Variants in MTA3 observed in about 807,000 individuals in gnomAD.
The protein encoded by MTA3 is metastasis-associated protein MTA3.
In MTA3, 34 loss-of-function variants were observed where a neutral mutation model predicts 83.5. The observed-to-expected ratio is 0.41, with a 90% CI of 0.31 to 0.54. The LOEUF (loss-of-function observed/expected upper bound fraction) is 0.54. Ranked by LOEUF, MTA3 falls within the 20% of genes least tolerant of loss-of-function variation. The probability of loss-of-function intolerance (pLI) is 0.33; values close to 1 mark genes in which losing one functional copy is unlikely to be tolerated. For synonymous variants in MTA3, 303 were observed against 252.7 expected, an observed-to-expected ratio of 1.20 and a Z score of -1.89; for missense variants, 761 against 726.4, an observed-to-expected ratio of 1.05 and a Z score of -0.55.
At chr2:42,666,325 T>C (rs944529614) in intron 8 of MTA3, among the ~76,000 whole-genome samples, 11 of 152,320 alleles carry the variant, frequency 7.2e-5, no homozygotes, top group Admixed American at 6.5e-4. Context: ...TTTTGCTACC[T>C]CCTACCTTAT....
intron 3 of MTA3, among the ~76,000 whole-genome samples, chr2:42,604,790 CG>C (rs1683038500): frequency 6.7e-6 from 1 of 148,280 alleles, no homozygotes; most frequent in South Asian, 2.2e-4. Context: ...TGACTCTTAA[CG>C]AGCATGCTGC....
chr2:42,715,909 A>G (rs980372098), intron 14 of MTA3, among the ~76,000 whole-genome samples: 2 of 152,214 alleles, frequency 1.3e-5, no homozygotes, highest in African/African-American at 2.4e-5. Context: ...CAGCTTTATT[A>G]ATAGAGAAGA....
intron 3 of MTA3, among the ~76,000 whole-genome samples, chr2:42,607,185 T>C (rs564132614): frequency 1.3e-5 from 2 of 152,200 alleles, no homozygotes; most frequent in East Asian, 3.9e-4. Context: ...TAAAATAGGG[T>C]GGATACAAAG....
chr2:42,699,118 T>C (rs1428841040), intron 11 of MTA3, among the ~76,000 whole-genome samples: 1 of 152,234 alleles, frequency 6.6e-6, no homozygotes, highest in East Asian at 1.9e-4. Flanking sequence ...TTGGAGTCAA[T>C]GTAATCTAAG....
chr2:42,592,922 G>C (rs577794708), intron 3 of MTA3, among the ~76,000 whole-genome samples: 29 of 152,010 alleles, frequency 1.9e-4, no homozygotes, highest in Admixed American at 5.9e-4. Flanking sequence ...AGGCTGAGGT[G>C]GGGGGATCAG....
At chr2:42,655,500 T>C (rs1689083623) in intron 6 of MTA3, among the ~76,000 whole-genome samples, 1 of 152,248 alleles carries the variant, frequency 6.6e-6, no homozygotes, top group Admixed American at 6.5e-5. Flanking sequence ...TCTCTACTCT[T>C]CAGATTCTTA....
intron 16 of MTA3, chr2:42,752,334 C>A (rs1340508375): frequency 8.5e-6 from 4 of 468,588 alleles, no homozygotes; most frequent in African/African-American, 6.0e-5. Context: ...CCTTTCCTGG[C>A]AGCAGGGTGA....
intron 4 of MTA3, among the ~76,000 whole-genome samples, chr2:42,634,332 C>T (rs1464528324): frequency 1.3e-5 from 2 of 152,078 alleles, no homozygotes; most frequent in South Asian, 2.1e-4. Flanking sequence ...TAGAACTACC[C>T]GAGACTGGGT....
chr2:42,564,560 G>C (rs1330910239), upstream of MTA3, among the ~76,000 whole-genome samples: 1 of 152,092 alleles, frequency 6.6e-6, no homozygotes, highest in African/African-American at 2.4e-5. Flanking sequence ...ATATGAGACA[G>C]ACTGGCCTTT....
rs994293630 is a variant in MTA3, at chr2:42,689,717, T to C, written c.892-6048T>C. 3.9e-5 allele frequency among the ~76,000 whole-genome samples: 6 copies of C among 152,166 alleles called. No homozygotes were observed. In the South Asian group the frequency reaches 1.2e-3, roughly 32 times the overall value. On this transcript the variant is annotated intron_variant, in intron 9 of 16. Coordinates refer to ENST00000405094, the MANE Select transcript of MTA3 (RefSeq NM_001330442.2). Reference sequence around the variant, plus strand: ...TCTCATGTTATCCTTTTATGGTCTGTAGCATGGATCTGTATTTACATCTAC... The same window carrying C: ...TCTCATGTTATCCTTTTATGGTCTGCAGCATGGATCTGTATTTACATCTAC...
upstream of MTA3, among the ~76,000 whole-genome samples, chr2:42,564,935 C>G (rs1467717391): frequency 6.6e-6 from 1 of 152,014 alleles, no homozygotes; most frequent in Non-Finnish European, 1.5e-5. Flanking sequence ...TGCCACCATG[C>G]CCGGCTAATT....
chr2:42,579,511 C>G (rs939102110), intron 3 of MTA3, among the ~76,000 whole-genome samples: 3 of 151,042 alleles, frequency 2.0e-5, no homozygotes, highest in Non-Finnish European at 2.9e-5. Flanking sequence ...ACTGCAGCCT[C>G]AAAATCACAG....
chr2:42,556,909 G>A (rs1011519003), intron 2 of MTA3, among the ~76,000 whole-genome samples: 3 of 152,124 alleles, frequency 2.0e-5, no homozygotes, highest in Non-Finnish European at 4.4e-5. Context: ...GAGGACAAGG[G>A]CACCCGATTT....
chr2:42,581,359 G>GC (rs1679605647), intron 3 of MTA3, among the ~76,000 whole-genome samples: 2 of 121,922 alleles, frequency 1.6e-5, no homozygotes. Flanking sequence ...GTCCCAAATT[G>GC]CTTTTTTTTT....
chr2:42,592,860 AC>A (rs1334483527), intron 3 of MTA3, among the ~76,000 whole-genome samples: 4 of 152,030 alleles, frequency 2.6e-5, no homozygotes, highest in African/African-American at 9.7e-5. Flanking sequence ...ACACTCTAAG[AC>A]AACAATAGGC....
intron 2 of MTA3, among the ~76,000 whole-genome samples, chr2:42,497,390 G>C (rs1177025631): frequency 6.6e-6 from 1 of 151,956 alleles, no homozygotes; most frequent in Non-Finnish European, 1.5e-5. Flanking sequence ...TTCGAGAGCA[G>C]CCTGGCCAAG....
intron 2 of MTA3, among the ~76,000 whole-genome samples, chr2:42,525,104 C>T (rs1675625749): frequency 6.9e-6 from 1 of 145,290 alleles, no homozygotes; most frequent in South Asian, 2.4e-4. Flanking sequence ...GCTATCCCTC[C>T]CCCCTCCCCC....
rs140297162 is a variant in MTA3, at chr2:42,678,723, C to T, written c.703-3678C>T. Among the ~76,000 whole-genome samples the T allele has an allele frequency of 3.6e-3, 554 of 152,228 alleles. 3 individuals carry two copies. Among genetic ancestry groups the T allele is most frequent in the African/African-American group, 0.012 (490 of 41,546 alleles). On this transcript the variant is annotated intron_variant, in intron 8 of 16. Coordinates refer to ENST00000405094, the MANE Select transcript of MTA3 (RefSeq NM_001330442.2). ...ACATGTTCTAAATACTGCCGTTACT[C>T]GGTGAACAAATTCATAATCTATACC...
At chr2:42,499,490 A>T (rs1242943009) in intron 2 of MTA3, among the ~76,000 whole-genome samples, 2 of 151,034 alleles carry the variant, frequency 1.3e-5, no homozygotes, top group East Asian at 4.0e-4. Flanking sequence ...AGGTGTTCTT[A>T]TCATTTCAAA....
Sources: gnomAD v4.1 joint callset for allele counts (sites outside exome capture counted in the v4.1 genomes callset) on GRCh38, gnomAD v4.1.1 for gene constraint, MANE v1.5 for transcripts, NCBI Gene and HGNC (gene_info 2026-07-23, HGNC 2026-07-21) for gene names.